SEC14L5: variants seen among roughly 807,000 people sequenced by gnomAD.
SEC14L5 encodes SEC14-like protein 5.
Under a neutral mutation model 84.6 loss-of-function variants are expected in SEC14L5, and 96 were observed. The ratio of observed to expected loss-of-function variants is 1.13; its 90% confidence interval spans 0.96 to 1.34. The LOEUF (loss-of-function observed/expected upper bound fraction) is 1.34. Among genes scored for constraint, SEC14L5 ranks in the 40% most tolerant of loss-of-function variants. The pLI is 0.00. For synonymous variants in SEC14L5, 546 were observed against 383.4 expected, an observed-to-expected ratio of 1.42 and a Z score of -4.95; for missense variants, 1,224 against 942.5, an observed-to-expected ratio of 1.30 and a Z score of -3.91.
rs529093612 is a variant in SEC14L5, at chr16:5,016,350, GTGT to G, written c.*1383_*1385del. ...TGAAGCCTGATCTGGCCTGCTTTTA[GTGT>G]TGCTTTTTTGCCTTTAGAATGGTTT... On this transcript the variant is annotated 3_prime_UTR_variant, in exon 16 of 16. Coordinates refer to ENST00000251170, the MANE Select transcript of SEC14L5 (RefSeq NM_014692.2). 5 of 152,194 alleles carry G rather than the reference GTGT, an allele frequency of 3.3e-5. No homozygotes were observed. The highest frequency in any genetic ancestry group is 7.3e-5 in the Non-Finnish European group (5 of 68,028). 9.4% of individuals were successfully genotyped at this position (152,194 alleles called of 1,614,324 possible). A position where few individuals can be genotyped will look rare whatever the true frequency, so the allele number is the denominator to read the frequency against.
Position 4,990,787 on chromosome 16 carries a change from C to T in SEC14L5, c.366C>T (p.Asp122=), listed in dbSNP as rs372839424. Residue 122 remains aspartate, a synonymous_variant, in exon 5 of 16, where the codon GAC becomes GAT. Transcript: ENST00000251170. The part of the protein sequence containing the change: ...CSYTVHPENE[D]WTCFEQSASL... ...TTCAGGTCCACCCTGAGAATGAAGA[C>T]TGGACTTGCTTCGAGCAGTCTGCCT... 20 of 1,609,746 alleles carry T rather than the reference C, an allele frequency of 1.2e-5. No homozygotes were observed. The highest frequency in any genetic ancestry group is 1.7e-5 in the Non-Finnish European group (20 of 1,177,994).
intron 8 of SEC14L5, among the ~76,000 whole-genome samples, chr16:5,000,192 G>A (rs544547089): frequency 2.6e-5 from 4 of 152,072 alleles, no homozygotes; most frequent in African/African-American, 9.6e-5. Flanking sequence ...TCGGGAGGCT[G>A]AGGCAGGAAA....
At chr16:5,005,803 G>C in intron 11 of SEC14L5, 111 bp from the exon 12 acceptor site, 1 of 1,068,300 alleles carries the variant, frequency 9.4e-7, no homozygotes, top group Non-Finnish European at 1.3e-6. Context: ...GGTGGAGCTT[G>C]CAGTGAGCCA....
At chr16:4,989,307 TTTG>T (rs774956780) in intron 4 of SEC14L5, among the ~76,000 whole-genome samples, 5 of 144,150 alleles carry the variant, frequency 3.5e-5, no homozygotes, top group South Asian at 2.2e-4. Flanking sequence ...TGTTTTTTTT[TTTG>T]TTTGTTTGTT....
In SEC14L5 at chr16:4,987,602, C is replaced by T. The variant is rs562798342; in HGVS notation, c.109C>T (p.Leu37=). The change falls in exon 3 of 16, where the codon CTG becomes TTG. Residue 37 remains leucine (L), a synonymous_variant. Transcript: ENST00000251170. ...FPTCPQIPVF[L]GSEVLRESRS... is the part of the protein sequence containing the mutation. ...CACGTGCCCACAGATCCCAGTCTTC[C>T]TGGGCAGCGAGGTCTTGCGCGAGTC... 1 of 1,561,250 alleles carries T rather than the reference C, an allele frequency of 6.4e-7. No homozygotes were observed. The highest frequency in any genetic ancestry group is 2.4e-5 in the East Asian group (1 of 41,234).
At chr16:5,014,126 C>G (rs980032915) in intron 15 of SEC14L5, among the ~76,000 whole-genome samples, 3 of 152,206 alleles carry the variant, frequency 2.0e-5, no homozygotes, top group African/African-American at 7.2e-5. Context: ...TTTAACTTAG[C>G]AAGGAGAATG....
At position 5,018,793 on chromosome 16, in the gene SEC14L5, C is replaced by G. The variant is rs1955901523; in HGVS notation, c.*3823C>G. On this transcript the variant is annotated 3_prime_UTR_variant, in exon 16 of 16. Coordinates refer to ENST00000251170, the MANE Select transcript of SEC14L5 (RefSeq NM_014692.2). ...AGGTTGAAGTATGGAGAGTTTGAGA[C>G]TCTTTTTTTCTACCCTGCACTCTCT... 1 of 151,774 alleles carries G rather than the reference C, an allele frequency of 6.6e-6. No individual in the cohort carries two copies. Among genetic ancestry groups the G allele is most frequent in the African/African-American group, 2.4e-5 (1 of 41,046 alleles). The allele number at this position is 151,774 out of a possible 1,614,324, so 9.4% of individuals were successfully genotyped here.
At chr16:4,967,562 G>GTTTTTTTTTTT (rs869061549) in intron 2 of SEC14L5, among the ~76,000 whole-genome samples, 1 of 37,112 alleles carries the variant, frequency 2.7e-5, no homozygotes, top group Non-Finnish European at 5.5e-5. Flanking sequence ...TCTTTCTTTC[G>GTTTTTTTTTTT]TTTTTTTTTT....
chr16:5,003,996 C>G (rs1190196669), intron 11 of SEC14L5, among the ~76,000 whole-genome samples: 2 of 152,208 alleles, frequency 1.3e-5, no homozygotes, highest in Middle Eastern at 3.2e-3. Context: ...ACACATACAC[C>G]CACGCCCACA....
In SEC14L5 at chr16:5,006,066, A is replaced by G. The variant is rs772304783; in HGVS notation, c.1437+18A>G. The stretch of plus-strand genomic sequence containing the variant: ...AGAGTGTGGTGAGGCTTCCATGTCC[A>G]CAGACAGACCTGGGCTTGAGGAGGG... On this transcript the variant is annotated intron_variant, in intron 12 of 15. Coordinates refer to ENST00000251170, the MANE Select transcript of SEC14L5 (RefSeq NM_014692.2). 1 of 1,612,600 alleles carries G rather than the reference A, an allele frequency of 6.2e-7. No homozygotes were observed. Among genetic ancestry groups the G allele is most frequent in the Non-Finnish European group, 8.5e-7 (1 of 1,179,230 alleles).
chr16:5,008,543 G>C lies in SEC14L5; in HGVS notation c.1695G>C (p.Pro565=). 1 of 1,609,300 alleles carries C rather than the reference G, an allele frequency of 6.2e-7. No individual in the cohort carries two copies. Among genetic ancestry groups the C allele is most frequent in the Non-Finnish European group, 8.5e-7 (1 of 1,178,266 alleles). Residue 565 remains proline (P), a synonymous_variant, in exon 14 of 16, where the codon CCG becomes CCC. Coordinates refer to ENST00000251170, the MANE Select transcript of SEC14L5 (RefSeq NM_014692.2). ...CGCCCAGGCTGGGCGCCCGGGAACC[G>C]GGGACCAGGGCCAGCGGGCAGCTGA... ...KQAPRLGARE[P]GTRASGQLID...
chr16:4,974,306 A>G (rs1390036859), intron 2 of SEC14L5, among the ~76,000 whole-genome samples: 1 of 151,710 alleles, frequency 6.6e-6, no homozygotes, highest in African/African-American at 2.4e-5. Context: ...ATCTCAAGCC[A>G]TCCTCCCGCC....
At chr16:5,003,616 TGGG>T in intron 11 of SEC14L5, 43 bp downstream of exon 11, 2 of 130,934 alleles carry the variant, frequency 1.5e-5, no homozygotes, top group African/African-American at 1.1e-4. Context: ...TGGGGGTGGG[TGGG>T]ATGGGAGGGG....
rs1458960687 is a variant in SEC14L5 at position 4,966,267 on chromosome 16, C to CATTTTT, written c.63+6881_63+6882insATTTTT. Reference sequence around the variant, plus strand: ...AGGCGTGACCCACCGCGCCCGGCCTCTTTTTTTTTTTTTTTTTTTTTTTTG... The same window carrying CATTTTT: ...AGGCGTGACCCACCGCGCCCGGCCTCATTTTTTTTTTTTTTTTTTTTTTTTTTTTTG... On this transcript the variant is annotated intron_variant, in intron 2 of 15. Transcript: ENST00000251170. Among the ~76,000 whole-genome samples, 171 of 78,790 alleles carry CATTTTT rather than the reference C, an allele frequency of 2.2e-3. 1 individual carries two copies. The highest frequency in any genetic ancestry group is 3.7e-3 in the Non-Finnish European group (154 of 41,230). The allele number at this position is 78,790 out of a possible 152,430, so 51.7% of individuals were successfully genotyped here. A position where few individuals can be genotyped will look rare whatever the true frequency, so the allele number is the denominator to read the frequency against.
chr16:5,008,569 T>C lies in SEC14L5; in HGVS notation c.1721T>C (p.Ile574Thr). ...GGGACCAGGGCCAGCGGGCAGCTGA[T>C]CGACAAAGGCTGGGTCCTGGGCAGG... Reference protein sequence around the residue: ...EPGTRASGQLIDKGWVLGRDY... With the variant: ...EPGTRASGQLTDKGWVLGRDY... Residue 574 changes from isoleucine (I) to threonine (T), a missense_variant, in exon 14 of 16, where the codon ATC becomes ACC. Coordinates refer to ENST00000251170, the MANE Select transcript of SEC14L5 (RefSeq NM_014692.2). 1.2e-6 allele frequency: 2 copies of C among 1,607,954 alleles called. No individual in the cohort carries two copies. The highest frequency in any genetic ancestry group is 1.7e-6 in the Non-Finnish European group (2 of 1,177,910).
chr16:4,987,722 G>T lies in SEC14L5; in HGVS notation c.213+16G>T, dbSNP rs957982457. On this transcript the variant is annotated intron_variant, in intron 3 of 15. Transcript: ENST00000251170. ...GCTGCGGAAGGTGGGCGGCCCTGGG[G>T]CTGGGGGGCGGAGGAGGGGACCTGT... is the stretch of plus-strand genomic sequence containing the variant. 7 of 1,484,610 alleles carry T rather than the reference G, an allele frequency of 4.7e-6. No individual in the cohort carries two copies. The highest frequency in any genetic ancestry group is 4.4e-6 in the Non-Finnish European group (5 of 1,125,158). 92.0% of individuals were successfully genotyped at this position (1,484,610 alleles called of 1,614,324 possible). A position where few individuals can be genotyped will look rare whatever the true frequency, so the allele number is the denominator to read the frequency against.
intron 10 of SEC14L5, among the ~76,000 whole-genome samples, chr16:5,001,712 G>A (rs1469558510): frequency 6.6e-6 from 1 of 152,048 alleles, no homozygotes. Flanking sequence ...CAGTACTTAC[G>A]GTGGCATCGC....
At chr16:4,967,561 C>CATTTTTTT (rs1568104233) in intron 2 of SEC14L5, among the ~76,000 whole-genome samples, 1 of 86,272 alleles carries the variant, frequency 1.2e-5, no homozygotes. Context: ...TTCTTTCTTT[C>CATTTTTTT]GTTTTTTTTT....
At chr16:4,968,080 G>C (rs1955228752) in intron 2 of SEC14L5, among the ~76,000 whole-genome samples, 1 of 149,478 alleles carries the variant, frequency 6.7e-6, no homozygotes, top group Non-Finnish European at 1.5e-5. Context: ...GTGCAGTGGT[G>C]CAATCATGGC....
Sources: allele counts gnomAD v4.1 joint callset (sites outside exome capture counted in the v4.1 genomes callset), GRCh38; gene constraint gnomAD v4.1.1; transcripts MANE v1.5; gene names NCBI Gene and HGNC (gene_info 2026-07-23, HGNC 2026-07-21).